The following POU6F2 variants were observed in gnomAD, a reference collection of about 807,000 sequenced individuals.
POU6F2 encodes POU domain, class 6, transcription factor 2.
In POU6F2, 31 loss-of-function variants were observed where a neutral mutation model predicts 71.3. That is an observed-to-expected ratio of 0.43 (90% CI 0.33 to 0.59). The LOEUF (loss-of-function observed/expected upper bound fraction) is 0.59, where lower values mean the gene tolerates loss of function less well. Ranked by LOEUF, POU6F2 falls within the 20% of genes least tolerant of loss-of-function variation. POU6F2 has a pLI of 0.04. For synonymous variants in POU6F2, 347 were observed against 355.7 expected (o/e 0.98, Z 0.27); for missense variants, 783 against 856.8 (o/e 0.91, Z 1.07).
chr7:39,234,454 C>G (rs1794636030), intron 4 of POU6F2, among the ~76,000 whole-genome samples: 1 of 152,128 alleles, frequency 6.6e-6, no homozygotes, highest in East Asian at 1.9e-4. Flanking sequence ...TTTTGACCTG[C>G]AGAAAGTTAA....
chr7:39,069,953 T>A (rs1273519675), intron 1 of POU6F2, among the ~76,000 whole-genome samples: 1 of 152,082 alleles, frequency 6.6e-6, no homozygotes, highest in Non-Finnish European at 1.5e-5. Flanking sequence ...TGTATTCAGA[T>A]AAGTTAAAGT....
At chr7:38,981,640 A>G (rs1788318980) in intron 1 of POU6F2, among the ~76,000 whole-genome samples, 2 of 152,232 alleles carry the variant, frequency 1.3e-5, no homozygotes, top group African/African-American at 4.8e-5. Context: ...TCCAGTTGAC[A>G]TTGCTAAAGT....
intron 2 of POU6F2, among the ~76,000 whole-genome samples, chr7:39,101,039 A>C (rs1348752213): frequency 6.6e-6 from 1 of 150,592 alleles, no homozygotes; most frequent in Non-Finnish European, 1.5e-5. Flanking sequence ...TAGATCTTCC[A>C]ATTTTTCATA....
At chr7:39,017,813 C>CGTGTGTGT (rs70977447) in intron 1 of POU6F2, among the ~76,000 whole-genome samples, 6,385 of 147,958 alleles carry the variant, frequency 0.043, 149 homozygotes, top group East Asian at 0.077. Flanking sequence ...ATTGTGCATG[C>CGTGTGTGT]GTGTGTGTGT....
At chr7:39,128,804 T>G (rs1204006112) in intron 2 of POU6F2, among the ~76,000 whole-genome samples, 1 of 152,246 alleles carries the variant, frequency 6.6e-6, no homozygotes, top group Non-Finnish European at 1.5e-5. Flanking sequence ...CCTATTAGAA[T>G]CACAAGTTAT....
chr7:39,088,280 A>G (rs532271701), intron 2 of POU6F2, among the ~76,000 whole-genome samples: 1 of 151,884 alleles, frequency 6.6e-6, no homozygotes, highest in African/African-American at 2.4e-5. Context: ...ACACTCTAAT[A>G]TTCTCATAAG....
At chr7:39,293,921 A>G (rs1407480182) in intron 4 of POU6F2, among the ~76,000 whole-genome samples, 1 of 152,188 alleles carries the variant, frequency 6.6e-6, no homozygotes, top group African/African-American at 2.4e-5. Context: ...CGAAGACTGG[A>G]TGGGGAGGTC....
chr7:39,397,816 A>ATATATATG (rs1391889279), intron 5 of POU6F2, among the ~76,000 whole-genome samples: 1 of 140,916 alleles, frequency 7.1e-6, no homozygotes, highest in Non-Finnish European at 1.5e-5. Flanking sequence ...TATTTTGTGT[A>ATATATATG]TATATATATA....
At chr7:39,169,674 A>G (rs1356825982) in intron 2 of POU6F2, among the ~76,000 whole-genome samples, 1 of 152,184 alleles carries the variant, frequency 6.6e-6, no homozygotes, top group African/African-American at 2.4e-5. Flanking sequence ...AACTTCCACT[A>G]CACCATTTGA....
chr7:39,178,321 A>G (rs896746102), intron 2 of POU6F2, among the ~76,000 whole-genome samples: 3 of 152,280 alleles, frequency 2.0e-5, no homozygotes, highest in Middle Eastern at 3.4e-3. Flanking sequence ...ATATGCCTCA[A>G]TCTTCCCTGA....
chr7:39,267,961 G>T (rs1784280045), intron 4 of POU6F2, among the ~76,000 whole-genome samples: 1 of 152,162 alleles, frequency 6.6e-6, no homozygotes, highest in Non-Finnish European at 1.5e-5. Context: ...CAGCTTGCTT[G>T]TGAGGAGAGT....
At chr7:39,190,631 CTTTTTTTTTTTT>C (rs58654872) in intron 2 of POU6F2, among the ~76,000 whole-genome samples, 4 of 74,202 alleles carry the variant, frequency 5.4e-5, no homozygotes, top group Non-Finnish European at 4.7e-5. Context: ...GAGTCAACTT[CTTTTTTTTTTTT>C]TTTTTTTTTT....
In POU6F2 at chr7:39,063,018, T is replaced by C. The variant is rs76808646; in HGVS notation, c.106-22842T>C. On this transcript the variant is annotated intron_variant, in intron 1 of 9. Transcript: ENST00000518318. ...TCTGGAATGGGGTCAAAGTCACTTATTAGCTAAGTAAATGATAGTCTGGAT... is the reference window on the plus strand; with the variant it reads ...TCTGGAATGGGGTCAAAGTCACTTACTAGCTAAGTAAATGATAGTCTGGAT... Among the ~76,000 whole-genome samples the C allele has an allele frequency of 3.6e-3, 543 of 152,200 alleles. 7 individuals carry two copies. The East Asian group carries it at 0.043, about 12-fold the overall frequency.
intron 4 of POU6F2, among the ~76,000 whole-genome samples, chr7:39,318,339 A>C (rs1372684578): frequency 6.6e-6 from 1 of 152,142 alleles, no homozygotes; most frequent in Non-Finnish European, 1.5e-5. Context: ...GTATGTAATC[A>C]AAATCTGCAT....
chr7:39,105,102 G>A (rs1360679946), intron 2 of POU6F2, among the ~76,000 whole-genome samples: 1 of 152,158 alleles, frequency 6.6e-6, no homozygotes, highest in Admixed American at 6.5e-5. Flanking sequence ...AAGAGCAGAG[G>A]GCAGATGGAA....
chr7:39,435,402 TCA>T (rs200976590), intron 7 of POU6F2, among the ~76,000 whole-genome samples: 1,534 of 152,346 alleles, frequency 0.01, 19 homozygotes, highest in African/African-American at 0.035. Context: ...GAGCTTTTTT[TCA>T]TATGTTTGTT....
At chr7:39,246,905 C>CTTTTTTGTTTTTTTTTTTT (rs1783830211) in intron 4 of POU6F2, among the ~76,000 whole-genome samples, 1 of 78,150 alleles carries the variant, frequency 1.3e-5, no homozygotes, top group Non-Finnish European at 2.2e-5. Context: ...TCCAGGGTGG[C>CTTTTTTGTTTTTTTTTTTT]TTTTTTTTTT....
intron 5 of POU6F2, among the ~76,000 whole-genome samples, chr7:39,341,709 C>T (rs1785921024): frequency 6.6e-6 from 1 of 152,058 alleles, no homozygotes; most frequent in African/African-American, 2.4e-5. Flanking sequence ...CCCAGTTGTC[C>T]GATATAGTCC....
intron 4 of POU6F2, among the ~76,000 whole-genome samples, chr7:39,246,227 G>A (rs1355082138): frequency 3.9e-5 from 6 of 152,178 alleles, no homozygotes; most frequent in African/African-American, 1.4e-4. Flanking sequence ...CTATGTGTCA[G>A]GCATGGTGAT....
Sources: gnomAD v4.1 joint callset for allele counts (sites outside exome capture counted in the v4.1 genomes callset) on GRCh38, gnomAD v4.1.1 for gene constraint, MANE v1.5 for transcripts, NCBI Gene and HGNC (gene_info 2026-07-23, HGNC 2026-07-21) for gene names.